The following ATG16L2 variants were observed in gnomAD, a reference collection of about 807,000 sequenced individuals.
ATG16L2 encodes the protein autophagy related 16 like 2.
Under a neutral mutation model 84.7 loss-of-function variants are expected in ATG16L2, and 77 were observed. The observed-to-expected ratio is 0.91, with a 90% CI of 0.76 to 1.10. The LOEUF is 1.10. Ranked by LOEUF, ATG16L2 falls within the 50% of genes least tolerant of loss-of-function variation. The pLI is 0.00. For synonymous variants in ATG16L2, 361 were observed against 342.8 expected (o/e 1.05, Z -0.59); for missense variants, 782 against 817.6 (o/e 0.96, Z 0.53).
chr11:72,822,811 G>T lies in ATG16L2; in HGVS notation c.711-37G>T. ...GCTGGGGTCGGGAGGGGCTGGCTTG[G>T]TCCCTTGGCCTTTCTGAACTTCATT... On this transcript the variant is annotated intron_variant, in intron 6 of 17. Coordinates refer to ENST00000321297, the MANE Select transcript of ATG16L2 (RefSeq NM_033388.2). The surrounding 1 kb of genome is among the most constrained non-coding windows in gnomAD (Gnocchi z 4.2). 1 of 1,483,630 alleles carries T rather than the reference G, an allele frequency of 6.7e-7. No homozygotes were observed. 91.9% of individuals were successfully genotyped at this position (1,483,630 alleles called of 1,614,324 possible). A position where few individuals can be genotyped will look rare whatever the true frequency, so the allele number is the denominator to read the frequency against.
At position 72,828,346 on chromosome 11, in the gene ATG16L2, C is replaced by T; in HGVS notation, c.1473-13C>T. ...GGCTGTTCCTCATCCCTGTCTCTGTCCTTGTTCCTCAGGGGGCCCCACTGC... is the reference window on the plus strand; with the variant it reads ...GGCTGTTCCTCATCCCTGTCTCTGTTCTTGTTCCTCAGGGGGCCCCACTGC... On this transcript the variant is annotated splice_polypyrimidine_tract_variant and intron_variant, in intron 14 of 17. Transcript: ENST00000321297. 2 of 1,613,904 alleles carry T rather than the reference C, an allele frequency of 1.2e-6. No individual in the cohort carries two copies. The highest frequency in any genetic ancestry group is 1.7e-6 in the Non-Finnish European group (2 of 1,179,884).
rs1319510913 is a variant in ATG16L2, at chr11:72,826,180, G to T, written c.1110G>T (p.Leu370=). Residue 370 remains leucine, a synonymous_variant, in exon 11 of 18, where the codon CTG becomes CTT. Coordinates refer to ENST00000321297, the MANE Select transcript of ATG16L2 (RefSeq NM_033388.2). Reference sequence around the variant, plus strand: ...TTCCCCTGGTCCTCCCAGGTCGCCTGGAGGCCAACCAGACCCTGGAGGGAG... The same window carrying T: ...TTCCCCTGGTCCTCCCAGGTCGCCTTGAGGCCAACCAGACCCTGGAGGGAG... ...IHLWNVVGSR[L]EANQTLEGAG... is the part of the protein sequence containing the mutation. 6.2e-7 allele frequency: 1 copy of T among 1,613,258 alleles called. No homozygotes were observed. The highest frequency in any genetic ancestry group is 8.5e-7 in the Non-Finnish European group (1 of 1,179,422).
downstream of ATG16L2, among the ~76,000 whole-genome samples, chr11:72,834,133 A>T (rs1860666695): frequency 6.6e-6 from 1 of 152,106 alleles, no homozygotes; most frequent in Non-Finnish European, 1.5e-5. Context: ...AAGTTGCAGG[A>T]TTTGGGGATA....
downstream of ATG16L2, among the ~76,000 whole-genome samples, chr11:72,833,710 C>T (rs1008250466): frequency 1.3e-5 from 2 of 152,108 alleles, no homozygotes; most frequent in East Asian, 1.9e-4. Context: ...CACCTGAGGT[C>T]AGGAGTTTGA....
chr11:72,829,282 C>G lies in ATG16L2; in HGVS notation c.1773-21C>G. ...CGCAGTTCCTGAAGCCCCCCTGAAG[C>G]CTGCCCCTCCCTTTCCCCAGCGCTG... On this transcript the variant is annotated intron_variant, in intron 17 of 17. Coordinates refer to ENST00000321297, the MANE Select transcript of ATG16L2 (RefSeq NM_033388.2). 2.5e-6 allele frequency: 4 copies of G among 1,611,396 alleles called. No homozygotes were observed. The South Asian group carries it at 3.3e-5, about 13-fold the overall frequency.
rs780156782 is a variant in ATG16L2, at chr11:72,826,874, A to G, written c.1366+51A>G. 40 of 1,596,170 alleles carry G rather than the reference A, an allele frequency of 2.5e-5. No homozygotes were observed. The African/African-American group carries it at 5.0e-4, about 20-fold the overall frequency. ...CTCCTCCCCACCAGCCAGGAGCCCC[A>G]GGCCAGGGCACAAGGGACCTCACCT... On this transcript the variant is annotated intron_variant, in intron 13 of 17. Coordinates refer to ENST00000321297, the MANE Select transcript of ATG16L2 (RefSeq NM_033388.2).
chr11:72,822,162 C>T lies in ATG16L2; in HGVS notation c.511C>T (p.Arg171Cys), dbSNP rs1315317345. 6.7e-7 allele frequency: 1 copy of T among 1,489,994 alleles called. No individual in the cohort carries two copies. The highest frequency in any genetic ancestry group is 2.6e-5 in the East Asian group (1 of 38,344). 92.3% of individuals were successfully genotyped at this position (1,489,994 alleles called of 1,614,324 possible). ...GCAGCGGGCAGCCTACGAGGCGCTG[C>T]GCGCGCACGTCGGGCTCCGGGAGGC... ...AVQRAAYEALRAHVGLREAAL... is the reference protein window; with the variant it reads ...AVQRAAYEALCAHVGLREAAL... The change falls in exon 5 of 18, where the codon CGC becomes TGC. Residue 171 changes from arginine (R) to cysteine (C), a missense_variant. Coordinates refer to ENST00000321297, the MANE Select transcript of ATG16L2 (RefSeq NM_033388.2). This position sits in a 1 kb window ranked among gnomAD's most constrained non-coding sequence, Gnocchi z 4.2.
chr11:72,824,513 C>G, intron 8 of ATG16L2: 1 of 587,742 alleles, frequency 1.7e-6, no homozygotes, highest in Non-Finnish European at 3.0e-6. Context: ...CCCACCAACC[C>G]TACCCTGCTC....
rs1209160007 is a variant in ATG16L2 at position 72,825,190 on chromosome 11, TACC to T, written c.997-109_997-107del. On this transcript the variant is annotated intron_variant, in intron 9 of 17. Transcript: ENST00000321297. ...TGGACAGAGAAACTGGGGAGGGAGA[TACC>T]ACGTCTGCAGCAGGCTGTGTCTGCA... The T allele has an allele frequency of 8.9e-6, 7 of 785,184 alleles. No individual in the cohort carries two copies. The Admixed American group carries it at 1.6e-4, about 18-fold the overall frequency. The allele number at this position is 785,184 out of a possible 1,614,324, so 48.6% of individuals were successfully genotyped here.
intron 5 of ATG16L2, among the ~76,000 whole-genome samples, chr11:72,842,001 G>A (rs1448856270): frequency 1.3e-5 from 2 of 152,168 alleles, no homozygotes; most frequent in Admixed American, 6.5e-5. Context: ...AGGCTAAGGG[G>A]TCACAATCAC....
At chr11:72,835,530 T>C (rs1860708143) in intron 5 of ATG16L2, among the ~76,000 whole-genome samples, 1 of 152,094 alleles carries the variant, frequency 6.6e-6, no homozygotes, top group Admixed American at 6.6e-5. Context: ...AGGTTCCAGA[T>C]GAGGACACAG....
chr11:72,840,678 T>A (rs1036899565), intron 5 of ATG16L2, among the ~76,000 whole-genome samples: 23 of 152,208 alleles, frequency 1.5e-4, no homozygotes, highest in Non-Finnish European at 4.4e-5. Flanking sequence ...TGAAAAAAGT[T>A]CCAGTGTAGA....
rs749316023 is a variant in ATG16L2 at position 72,824,141 on chromosome 11, G to A, written c.887+19G>A. ...TTCTGGAGTAAGTGTGTGTGTGCCT[G>A]TGTGTGCACCCACGTGTGTGTCGGG... On this transcript the variant is annotated intron_variant, in intron 8 of 17. Transcript: ENST00000321297. The A allele has an allele frequency of 6.2e-7, 1 of 1,614,130 alleles. No homozygotes were observed. The highest frequency in any genetic ancestry group is 1.1e-5 in the South Asian group (1 of 91,088).
At chr11:72,818,617 T>C (rs1305652302) in intron 3 of ATG16L2, 1 of 152,230 alleles carries the variant, frequency 6.6e-6, no homozygotes, top group Admixed American at 6.5e-5. Context: ...GGGCTAAACA[T>C]TGTCTCAGTT....
intron 9 of ATG16L2, 124 bp from the exon 10 acceptor site, chr11:72,825,178 T>G: frequency 1.4e-6 from 1 of 729,502 alleles, no homozygotes; most frequent in South Asian, 1.7e-5. Flanking sequence ...ACAGAGAAAC[T>G]GGGGAGGGAG....
At chr11:72,826,433 G>A in intron 11 of ATG16L2, 85 bp from the exon 12 acceptor site, 1 of 1,554,914 alleles carries the variant, frequency 6.4e-7, no homozygotes, top group Non-Finnish European at 8.8e-7. Context: ...GTGGGAAACT[G>A]TGAGGCAGCC....
Position 72,826,579 on chromosome 11 carries a change from C to T in ATG16L2, c.1235C>T (p.Ala412Val), listed in dbSNP as rs1565269828. Residue 412 changes from alanine (A) to valine (V), a missense_variant, in exon 12 of 18, where the codon GCA becomes GTA. Physicochemically the swap from Ala to Val is moderately conservative, Grantham distance 64 (BLOSUM62 0). Coordinates refer to ENST00000321297, the MANE Select transcript of ATG16L2 (RefSeq NM_033388.2). ...GCCCAGCTCTGGAAGGTGGGGGAGG[C>T]ACAGTCCAAGGTGAGGCCTGACTGG... ...QAAQLWKVGE[A>V]QSKETLSGHK... 2 of 1,614,046 alleles carry T rather than the reference C, an allele frequency of 1.2e-6. No homozygotes were observed. The highest frequency in any genetic ancestry group is 8.5e-7 in the Non-Finnish European group (1 of 1,180,022).
rs763822436 is a variant in ATG16L2 at position 72,826,601 on chromosome 11, C to G, written c.1245+12C>G. 2.5e-6 allele frequency: 4 copies of G among 1,614,122 alleles called. No individual in the cohort carries two copies. The South Asian group carries it at 3.3e-5, about 13-fold the overall frequency. ...AGGCACAGTCCAAGGTGAGGCCTGA[C>G]TGGGGAGGCTGCCTGGAGGTCAGAG... On this transcript the variant is annotated intron_variant, in intron 12 of 17. Coordinates refer to ENST00000321297, the MANE Select transcript of ATG16L2 (RefSeq NM_033388.2).
rs1565273792 is a variant in ATG16L2 at position 72,829,321 on chromosome 11, G to A, written c.1791G>A (p.Val597=). ...QGPHCAAVNA[V]AWCYSGSHMV... ...TCCCCAGCGCTGCCGTCAACGCCGT[G>A]GCCTGGTGCTACTCCGGGAGCCACA... The change falls in exon 18 of 18, where the codon GTG becomes GTA. Residue 597 remains valine (V), a synonymous_variant. Transcript: ENST00000321297. 1.2e-6 allele frequency: 2 copies of A among 1,613,228 alleles called. No individual in the cohort carries two copies. Among genetic ancestry groups the A allele is most frequent in the South Asian group, 1.1e-5 (1 of 91,050 alleles).
Sources: gnomAD v4.1 joint callset for allele counts (sites outside exome capture counted in the v4.1 genomes callset) on GRCh38, gnomAD v4.1.1 for gene constraint, Gnocchi (gnomAD v3.1) non-coding constraint, MANE v1.5 for transcripts, NCBI Gene and HGNC (gene_info 2026-07-23, HGNC 2026-07-21) for gene names.